The following ADGRB3 variants were observed in gnomAD, a reference collection of about 807,000 sequenced individuals.
The protein encoded by ADGRB3 is brain-specific angiogenesis inhibitor 3.
ADGRB3 carries 37 observed loss-of-function variants against 193.4 expected under a neutral mutation model. The ratio of observed to expected loss-of-function variants is 0.19; its 90% CI spans 0.15 to 0.25. ADGRB3 has a LOEUF of 0.25. ADGRB3 is among the 10% of genes least tolerant of loss of function. The pLI, the probability that ADGRB3 is intolerant of heterozygous loss-of-function variation, is 1.00. For synonymous variants in ADGRB3, 690 were observed against 644.2 expected, an observed-to-expected ratio of 1.07 and a Z score of -1.08; for missense variants, 1,637 against 1,852.9, an observed-to-expected ratio of 0.88 and a Z score of 2.14.
chr6:68,956,125 G>A lies in ADGRB3; in HGVS notation c.1297G>A (p.Gly433Arg). 6.2e-7 allele frequency: 1 copy of A among 1,613,978 alleles called. No individual in the cohort carries two copies. ...CCGGCAGTGCACTGCAGCTGCCCAT[G>A]GAGGCTCCGAATGCAGAGGGCCATG... is the stretch of plus-strand genomic sequence containing the variant. ...RSRQCTAAAH[G>R]GSECRGPWAE... The change falls in exon 7 of 32, where the codon GGA becomes AGA. Residue 433 changes from glycine to arginine, a missense_variant. Physicochemically the swap from Gly to Arg is moderately radical, Grantham distance 125. This residue lies in a region of ADGRB3 where 641 missense variants were observed against 673.9 expected (regional missense o/e 0.95). Transcript: ENST00000370598.
rs149568977 is a variant in ADGRB3, at chr6:68,647,583, C to T, written c.757+8151C>T. 3.2e-3 allele frequency among the ~76,000 whole-genome samples: 490 copies of T among 152,192 alleles called. 1 individual carries two copies. Among genetic ancestry groups the T allele is most frequent in the African/African-American group, 0.011 (440 of 41,518 alleles). On this transcript the variant is annotated intron_variant, in intron 3 of 31. Transcript: ENST00000370598. ...TGTCTGTTTTGTATTAGATGAAGAA[C>T]AGGTAACATCTCAATACCTTTGTGT...
At chr6:69,257,010 G>A (rs1766791697) in intron 20 of ADGRB3, among the ~76,000 whole-genome samples, 1 of 152,080 alleles carries the variant, frequency 6.6e-6, no homozygotes, top group South Asian at 2.1e-4. Flanking sequence ...TACATTTATT[G>A]ATTTGTGTAT....
chr6:68,719,220 G>A (rs1224234439), intron 3 of ADGRB3, among the ~76,000 whole-genome samples: 1 of 151,614 alleles, frequency 6.6e-6, no homozygotes, highest in African/African-American at 2.4e-5. Context: ...TGTTATTAGT[G>A]CTTCAATAGA....
At chr6:69,275,351 T>A (rs1767279935) in intron 20 of ADGRB3, among the ~76,000 whole-genome samples, 1 of 152,136 alleles carries the variant, frequency 6.6e-6, no homozygotes, top group Non-Finnish European at 1.5e-5. Context: ...CTAAGATTAT[T>A]TGCATTAAAA....
chr6:69,273,191 G>T (rs1482958267), intron 20 of ADGRB3, among the ~76,000 whole-genome samples: 1 of 152,150 alleles, frequency 6.6e-6, no homozygotes, highest in Non-Finnish European at 1.5e-5. Context: ...GTGAGCCACT[G>T]CGCCTGGCCC....
At chr6:69,108,137 A>G (rs1481543982) in intron 17 of ADGRB3, among the ~76,000 whole-genome samples, 1 of 151,918 alleles carries the variant, frequency 6.6e-6, no homozygotes, top group Non-Finnish European at 1.5e-5. Flanking sequence ...GCTCCAGGTC[A>G]CAGAAACTAT....
chr6:69,274,252 C>A (rs1350180944), intron 20 of ADGRB3, among the ~76,000 whole-genome samples: 1 of 152,196 alleles, frequency 6.6e-6, no homozygotes, highest in African/African-American at 2.4e-5. Context: ...TGGGAAAAGT[C>A]TTTGGGTTCT....
At chr6:68,762,251 C>T (rs1248879177) in intron 3 of ADGRB3, among the ~76,000 whole-genome samples, 1 of 151,994 alleles carries the variant, frequency 6.6e-6, no homozygotes, top group African/African-American at 2.4e-5. Context: ...CTCTTCTTTT[C>T]TCCTCATTCT....
Position 69,389,027 on chromosome 6 carries a change from T to C in ADGRB3, c.*136T>C, listed in dbSNP as rs967736758. 3.5e-6 allele frequency: 3 copies of C among 854,130 alleles called. No individual in the cohort carries two copies. The highest frequency in any genetic ancestry group is 3.5e-6 in the Non-Finnish European group (2 of 570,038). 52.9% of individuals were successfully genotyped at this position (854,130 alleles called of 1,614,324 possible). Reference sequence around the variant, plus strand: ...TCATGTGCCAAACGTCAGTGGTGTTTTCATATGGTAACTTCTCACTAGTCA... The same window carrying C: ...TCATGTGCCAAACGTCAGTGGTGTTCTCATATGGTAACTTCTCACTAGTCA... On this transcript the variant is annotated 3_prime_UTR_variant, in exon 32 of 32. Transcript: ENST00000370598.
intron 3 of ADGRB3, among the ~76,000 whole-genome samples, chr6:68,661,372 TGTGTATAC>T (rs1207333176): frequency 1.0e-5 from 1 of 95,984 alleles, no homozygotes; most frequent in African/African-American, 5.9e-5. Context: ...TGTATATATA[TGTGTATAC>T]ATATATATAT....
At chr6:69,232,896 A>C in intron 17 of ADGRB3, 1 of 505,340 alleles carries the variant, frequency 2.0e-6, no homozygotes, top group Non-Finnish European at 3.5e-6. Context: ...GAGCTGGTAG[A>C]AAAATATGAA....
intron 20 of ADGRB3, among the ~76,000 whole-genome samples, chr6:69,279,446 A>G (rs1025157540): frequency 1.7e-4 from 25 of 149,074 alleles, no homozygotes; most frequent in Non-Finnish European, 3.3e-4. Context: ...TTGTTAGTCA[A>G]GAATGCTGTG....
intron 5 of ADGRB3, among the ~76,000 whole-genome samples, chr6:68,939,629 A>G (rs961826396): frequency 6.6e-6 from 1 of 152,168 alleles, no homozygotes; most frequent in African/African-American, 2.4e-5. Context: ...GAATTTTTTC[A>G]TCTGGTTATG....
chr6:69,190,747 C>T (rs1372378411), intron 17 of ADGRB3, among the ~76,000 whole-genome samples: 1 of 152,072 alleles, frequency 6.6e-6, no homozygotes, highest in Non-Finnish European at 1.5e-5. Flanking sequence ...CTGCAAGCTC[C>T]CTTCATGGTG....
intron 3 of ADGRB3, among the ~76,000 whole-genome samples, chr6:68,758,008 G>C (rs1766328697): frequency 6.6e-6 from 1 of 151,974 alleles, no homozygotes; most frequent in Non-Finnish European, 1.5e-5. Context: ...TCGCTAATGG[G>C]AAGCACCACA....
chr6:68,906,196 T>C (rs1766540525), intron 3 of ADGRB3, among the ~76,000 whole-genome samples: 2 of 151,856 alleles, frequency 1.3e-5, no homozygotes, highest in Admixed American at 6.6e-5. Context: ...TCATTATTAG[T>C]AGTTGTTCCT....
chr6:68,730,005 A>G (rs1027337934), intron 3 of ADGRB3, among the ~76,000 whole-genome samples: 4 of 151,564 alleles, frequency 2.6e-5, no homozygotes, highest in South Asian at 2.1e-4. Flanking sequence ...GTGTTTTGGA[A>G]ATAAGGCTGT....
intron 3 of ADGRB3, among the ~76,000 whole-genome samples, chr6:68,738,545 G>T (rs147329964): frequency 3.2e-4 from 49 of 152,214 alleles, no homozygotes; most frequent in Admixed American, 8.5e-4. Context: ...AGAGGGAGAA[G>T]GTCGTGAAGA....
chr6:69,163,125 A>G (rs1225844692), intron 17 of ADGRB3, among the ~76,000 whole-genome samples: 1 of 152,096 alleles, frequency 6.6e-6, no homozygotes, highest in Non-Finnish European at 1.5e-5. Context: ...TCAACATGTT[A>G]TAAATTCTCT....
Sources: allele counts gnomAD v4.1 joint callset (sites outside exome capture counted in the v4.1 genomes callset), GRCh38; gene constraint gnomAD v4.1.1; regional missense constraint gnomAD v4.1.1; transcripts MANE v1.5; gene names NCBI Gene and HGNC (gene_info 2026-07-23, HGNC 2026-07-21).